Variants in SYCP2L observed in about 807,000 individuals in gnomAD.
SYCP2L encodes the protein synaptonemal complex protein 2-like.
SYCP2L carries 98 observed loss-of-function variants against 125.8 expected under a neutral mutation model. The ratio of observed to expected loss-of-function variants is 0.78; its 90% CI spans 0.66 to 0.92. The LOEUF is 0.92. Among genes scored for constraint, SYCP2L ranks in the 40% least tolerant of loss-of-function variants. SYCP2L has a pLI of 0.00. For missense variants in SYCP2L, 842 were observed against 936.4 expected, an observed-to-expected ratio of 0.90 and a Z score of 1.32; for synonymous variants, 317 against 325.4, an observed-to-expected ratio of 0.97 and a Z score of 0.28.
intron 23 of SYCP2L, among the ~76,000 whole-genome samples, chr6:10,951,735 T>G (rs531758994): frequency 3.3e-5 from 5 of 152,218 alleles, no homozygotes; most frequent in Non-Finnish European, 5.9e-5. Flanking sequence ...CAGGAAAGAC[T>G]GTTGGCCTTT....
chr6:10,887,190 G>T (rs1581811041), intron 1 of SYCP2L, 55 bp downstream of exon 1: 1 of 1,610,210 alleles, frequency 6.2e-7, no homozygotes, highest in Non-Finnish European at 8.5e-7. Flanking sequence ...GGGCGCGCGA[G>T]GGCGCGGGGT....
intron 15 of SYCP2L, among the ~76,000 whole-genome samples, chr6:10,925,338 A>ATTAG (rs1162429435): frequency 1.4e-4 from 21 of 152,246 alleles, no homozygotes; most frequent in Admixed American, 1.2e-3. Context: ...GGACACAGCC[A>ATTAG]GACTGTATCA....
chr6:10,959,023 G>A (rs1781552333), intron 26 of SYCP2L, 148 bp downstream of exon 26: 1 of 678,704 alleles, frequency 1.5e-6, no homozygotes, highest in Non-Finnish European at 2.5e-6. Context: ...TGGGTTTCCG[G>A]TTCTTCATTC....
intron 23 of SYCP2L, among the ~76,000 whole-genome samples, chr6:10,947,531 T>C (rs1266300703): frequency 1.3e-5 from 2 of 152,036 alleles, no homozygotes; most frequent in African/African-American, 4.8e-5. Context: ...TTTATGATTT[T>C]GTTACTATTG....
At position 10,956,198 on chromosome 6, in the gene SYCP2L, C is replaced by G; in HGVS notation, c.2119C>G (p.Pro707Ala). The G allele has an allele frequency of 6.2e-7, 1 of 1,613,890 alleles. No individual in the cohort carries two copies. The highest frequency in any genetic ancestry group is 8.5e-7 in the Non-Finnish European group (1 of 1,179,978). Residue 707 changes from proline (P) to alanine (A), a missense_variant, in exon 25 of 30, where the codon CCA becomes GCA. By Grantham distance (27) the Pro-to-Ala change is conservative (BLOSUM62 -1). Coordinates refer to ENST00000283141, the MANE Select transcript of SYCP2L (RefSeq NM_001040274.3). ...GAACTTGAACGGTTCTGCCATTCTCCCAACCTTTGAAAACTTCACTAAAAA... is the reference window on the plus strand; with the variant it reads ...GAACTTGAACGGTTCTGCCATTCTCGCAACCTTTGAAAACTTCACTAAAAA... Reference protein sequence around the residue: ...PENLNGSAILPTFENFTKKRK... With the variant: ...PENLNGSAILATFENFTKKRK...
intron 25 of SYCP2L, among the ~76,000 whole-genome samples, chr6:10,958,431 G>T (rs983748284): frequency 6.6e-6 from 1 of 152,110 alleles, no homozygotes; most frequent in African/African-American, 2.4e-5. Context: ...GCTGTTGTGA[G>T]GATGGCACCA....
At chr6:10,926,218 G>A in intron 15 of SYCP2L, 121 bp from the exon 16 acceptor site, 1 of 739,970 alleles carries the variant, frequency 1.4e-6, no homozygotes, top group Non-Finnish European at 2.3e-6. Flanking sequence ...AGGACAAACT[G>A]GTAAACTTGA....
intron 14 of SYCP2L, among the ~76,000 whole-genome samples, chr6:10,920,741 CATGTGCGGG>C (rs1473839563): frequency 6.7e-6 from 1 of 148,188 alleles, no homozygotes; most frequent in Non-Finnish European, 1.5e-5. Context: ...TTAATGGGTA[CATGTGCGGG>C]ATGTACAGGT....
chr6:10,948,038 C>T (rs1254336190), intron 23 of SYCP2L, among the ~76,000 whole-genome samples: 2 of 151,764 alleles, frequency 1.3e-5, no homozygotes, highest in Admixed American at 6.6e-5. Context: ...TCTTTTTTTC[C>T]CTCCAGCTTT....
intron 15 of SYCP2L, among the ~76,000 whole-genome samples, chr6:10,925,999 C>T (rs1780890203): frequency 6.6e-6 from 1 of 152,180 alleles, no homozygotes; most frequent in Non-Finnish European, 1.5e-5. Flanking sequence ...GTTGGGAACT[C>T]ACTACAGACT....
intron 21 of SYCP2L, among the ~76,000 whole-genome samples, chr6:10,940,452 A>G (rs56104879): frequency 7.2e-5 from 11 of 152,212 alleles, no homozygotes; most frequent in Non-Finnish European, 2.9e-5. Context: ...GGATGAATGA[A>G]TATAGAAAAT....
chr6:10,958,925 A>G (rs776251127), intron 26 of SYCP2L, 50 bp downstream of exon 26: 33 of 1,528,788 alleles, frequency 2.2e-5, no homozygotes, highest in East Asian at 1.1e-4. Context: ...TCACTCACCA[A>G]CAGCGTTTAT....
chr6:10,972,547 G>A (rs765102004), intron 29 of SYCP2L, among the ~76,000 whole-genome samples: 4 of 152,160 alleles, frequency 2.6e-5, no homozygotes, highest in Admixed American at 1.3e-4. Flanking sequence ...TTGCTTTACC[G>A]TTCTTTTTGT....
At chr6:10,903,708 A>G (rs1561682240) in intron 8 of SYCP2L, among the ~76,000 whole-genome samples, 1 of 151,980 alleles carries the variant, frequency 6.6e-6, no homozygotes, top group Non-Finnish European at 1.5e-5. Context: ...CTGAGATTGC[A>G]CCACTGCACT....
intron 20 of SYCP2L, among the ~76,000 whole-genome samples, chr6:10,932,336 G>A (rs12199131): frequency 0.21 from 32,571 of 152,030 alleles, 4,193 homozygotes; most frequent in Middle Eastern, 0.35. Context: ...AACTTTTGCC[G>A]TTTATTCACT....
At chr6:10,927,140 A>G in intron 16 of SYCP2L, 100 bp from the exon 17 acceptor site, 1 of 1,515,814 alleles carries the variant, frequency 6.6e-7, no homozygotes, top group Non-Finnish European at 8.8e-7. Context: ...GTCTTACCAA[A>G]GGATGGAGAG....
intron 1 of SYCP2L, among the ~76,000 whole-genome samples, chr6:10,890,526 C>A (rs796593253): frequency 2.0e-4 from 31 of 152,126 alleles, no homozygotes; most frequent in African/African-American, 6.7e-4. Context: ...GCTTATTTAC[C>A]CATTTTTAAT....
intron 29 of SYCP2L, among the ~76,000 whole-genome samples, chr6:10,964,190 C>T (rs978766825): frequency 6.6e-6 from 1 of 152,282 alleles, no homozygotes; most frequent in East Asian, 1.9e-4. Context: ...ATCTCCTGAC[C>T]ATGTGATCCG....
chr6:10,971,206 C>A (rs1465261355), intron 29 of SYCP2L, among the ~76,000 whole-genome samples: 1 of 152,024 alleles, frequency 6.6e-6, no homozygotes, highest in Non-Finnish European at 1.5e-5. Context: ...CACCTGTAAT[C>A]CCAGCACTTT....
Sources: gnomAD v4.1 joint callset for allele counts (sites outside exome capture counted in the v4.1 genomes callset) on GRCh38, gnomAD v4.1.1 for gene constraint, MANE v1.5 for transcripts, NCBI Gene and HGNC (gene_info 2026-07-23, HGNC 2026-07-21) for gene names.